The following TNRC6B variants were observed in gnomAD, a reference collection of about 807,000 sequenced individuals.
TNRC6B encodes the protein trinucleotide repeat-containing gene 6B protein.
TNRC6B carries 52 observed loss-of-function variants against 203.6 expected under a neutral mutation model. That is an observed-to-expected ratio of 0.26 (90% CI 0.20 to 0.32). The LOEUF (loss-of-function observed/expected upper bound fraction) is 0.32, where lower values mean the gene tolerates loss of function less well. Among genes scored for constraint, TNRC6B ranks in the 10% least tolerant of loss-of-function variants. TNRC6B has a pLI of 1.00. For synonymous variants in TNRC6B, 838 were observed against 845.7 expected (o/e 0.99, Z 0.16); for missense variants, 1,923 against 2,286.2 (o/e 0.84, Z 3.24).
At chr22:40,082,020 G>A (rs750315589) in intron 1 of TNRC6B, among the ~76,000 whole-genome samples, 30 of 151,912 alleles carry the variant, frequency 2.0e-4, no homozygotes, top group Admixed American at 1.2e-3. Context: ...GCCGCAGTGC[G>A]AGGCCCTGGG....
intron 1 of TNRC6B, among the ~76,000 whole-genome samples, chr22:40,211,389 T>TC (rs984412745): frequency 2.6e-5 from 4 of 151,556 alleles, no homozygotes; most frequent in African/African-American, 9.7e-5. Flanking sequence ...TGTTCTTTTT[T>TC]TTCTTTTATT....
chr22:40,219,310 G>A lies in TNRC6B; in HGVS notation c.6-26705G>A, dbSNP rs893327403. Among the ~76,000 whole-genome samples, 106 of 152,188 alleles carry A rather than the reference G, an allele frequency of 7.0e-4. 2 individuals carry two copies. Among genetic ancestry groups the A allele is most frequent in the Non-Finnish European group, 1.9e-4 (13 of 68,038 alleles). On this transcript the variant is annotated intron_variant, in intron 1 of 22. Coordinates refer to ENST00000454349, the MANE Select transcript of TNRC6B (RefSeq NM_001162501.2). ...GCTTTCAGGACTACACTGTGGAAAAGGAGAGCTTGGAGTAGGAAGGTATAT... is the reference window on the plus strand; with the variant it reads ...GCTTTCAGGACTACACTGTGGAAAAAGAGAGCTTGGAGTAGGAAGGTATAT...
chr22:40,219,524 T>C (rs2069679718), intron 1 of TNRC6B, among the ~76,000 whole-genome samples: 1 of 152,172 alleles, frequency 6.6e-6, no homozygotes, highest in Admixed American at 6.5e-5. Flanking sequence ...CCGGTCTGTA[T>C]GGTTCAGGCA....
chr22:40,312,778 C>G, intron 18 of TNRC6B, 124 bp from the exon 19 acceptor site: 1 of 1,478,540 alleles, frequency 6.8e-7, no homozygotes, highest in Non-Finnish European at 9.3e-7. Flanking sequence ...TTGCTTTTCA[C>G]TTTTATTTGT....
intron 21 of TNRC6B, among the ~76,000 whole-genome samples, 194 bp from the exon 22 acceptor site, chr22:40,320,896 A>G (rs1451012137): frequency 6.6e-6 from 1 of 152,170 alleles, no homozygotes; most frequent in Non-Finnish European, 1.5e-5. Context: ...TTGACTCTAC[A>G]AGTTAACACT....
chr22:40,228,716 G>A (rs1260798312), intron 1 of TNRC6B, among the ~76,000 whole-genome samples: 1 of 151,518 alleles, frequency 6.6e-6, no homozygotes, highest in Non-Finnish European at 1.5e-5. Flanking sequence ...AGTAGGGACG[G>A]CGTTTCACCA....
rs958741289 is a variant in TNRC6B, at chr22:40,329,686, C to T, written c.*6445C>T. Reference sequence around the variant, plus strand: ...TCCAGCAGCTCAGCACCCACACTGCCCGCATGCGTGTGGCCACCGGGACCA... The same window carrying T: ...TCCAGCAGCTCAGCACCCACACTGCTCGCATGCGTGTGGCCACCGGGACCA... On this transcript the variant is annotated 3_prime_UTR_variant, in exon 23 of 23. Coordinates refer to ENST00000454349, the MANE Select transcript of TNRC6B (RefSeq NM_001162501.2). 9 of 152,124 alleles carry T rather than the reference C, an allele frequency of 5.9e-5. No homozygotes were observed. Among genetic ancestry groups the T allele is most frequent in the African/African-American group, 2.2e-4 (9 of 41,414 alleles). The allele number at this position is 152,124 out of a possible 1,614,324, so 9.4% of individuals were successfully genotyped here.
chr22:40,064,641 A>G (rs2067880454), intron 1 of TNRC6B, among the ~76,000 whole-genome samples: 1 of 146,750 alleles, frequency 6.8e-6, no homozygotes, highest in Non-Finnish European at 1.5e-5. Flanking sequence ...TTTTTGAGAC[A>G]GGGTCTCACT....
chr22:40,186,866 G>A (rs952599598), intron 1 of TNRC6B, among the ~76,000 whole-genome samples: 11 of 151,406 alleles, frequency 7.3e-5, no homozygotes, highest in African/African-American at 2.7e-4. Context: ...AACATTTTAC[G>A]TTTTTTTTGT....
At chr22:40,196,957 A>G (rs1334002492) in intron 1 of TNRC6B, among the ~76,000 whole-genome samples, 1 of 152,102 alleles carries the variant, frequency 6.6e-6, no homozygotes, top group Non-Finnish European at 1.5e-5. Flanking sequence ...AGAAAAAAGG[A>G]GTGCTGACAG....
At chr22:40,196,725 G>A (rs1295781956) in intron 1 of TNRC6B, among the ~76,000 whole-genome samples, 1 of 151,958 alleles carries the variant, frequency 6.6e-6, no homozygotes, top group Non-Finnish European at 1.5e-5. Flanking sequence ...TGTGGTTCAG[G>A]CTCGCAGTTA....
At chr22:40,132,969 A>AAAAAATATAT (rs1282694632) in intron 3 of TNRC6B, among the ~76,000 whole-genome samples, 2 of 78,186 alleles carry the variant, frequency 2.6e-5, no homozygotes, top group Non-Finnish European at 5.3e-5. Context: ...AAAAAAAAAA[A>AAAAAATATAT]ATATATATAT....
At chr22:40,046,465 G>C (rs2067688825) in intron 1 of TNRC6B, among the ~76,000 whole-genome samples, 1 of 152,158 alleles carries the variant, frequency 6.6e-6, no homozygotes, top group African/African-American at 2.4e-5. Flanking sequence ...TATTTTCTTA[G>C]TTCTTTACTA....
At chr22:40,125,287 T>A (rs2068480053) in intron 2 of TNRC6B, among the ~76,000 whole-genome samples, 1 of 152,184 alleles carries the variant, frequency 6.6e-6, no homozygotes, top group Non-Finnish European at 1.5e-5. Context: ...TGTACTTTAA[T>A]TTCAGTTATA....
chr22:40,295,389 G>T (rs1019163271), intron 12 of TNRC6B, among the ~76,000 whole-genome samples: 1 of 151,368 alleles, frequency 6.6e-6, no homozygotes, highest in Non-Finnish European at 1.5e-5. Context: ...CAGGAGAATC[G>T]CTTGAGCCCG....
intron 10 of TNRC6B, among the ~76,000 whole-genome samples, chr22:40,280,799 T>C (rs1314323936): frequency 1.3e-5 from 2 of 152,244 alleles, no homozygotes; most frequent in African/African-American, 4.8e-5. Flanking sequence ...TTGGCCTGGC[T>C]TCTGTTTCAG....
At position 40,059,012 on chromosome 22, in the gene TNRC6B, A is replaced by C. The variant is rs561759995; in HGVS notation, c.-121+14014A>C. 1.3e-3 allele frequency among the ~76,000 whole-genome samples: 205 copies of C among 152,288 alleles called. 3 individuals carry two copies. Among genetic ancestry groups the C allele is most frequent in the Non-Finnish European group, 1.6e-4 (11 of 68,028 alleles). On this transcript the variant is annotated intron_variant, in intron 1 of 23. Coordinates refer to the TNRC6B transcript ENST00000301923. ...AACCTGTCCTTACTGTGTGAAATCC[A>C]AACACCTTTGTTCCAGCCAAGTTCG...
At chr22:40,306,815 G>T (rs149200192) in intron 15 of TNRC6B, among the ~76,000 whole-genome samples, 77 of 152,192 alleles carry the variant, frequency 5.1e-4, no homozygotes, top group African/African-American at 1.8e-3. Flanking sequence ...GTGAAACCCC[G>T]TCTCTACTAA....
Position 40,313,432 on chromosome 22 carries a change from G to GA in TNRC6B, c.4678+447dup, listed in dbSNP as rs796669182. Among the ~76,000 whole-genome samples the GA allele has an allele frequency of 6.1e-3, 838 of 138,342 alleles. 8 individuals carry two copies. The highest frequency in any genetic ancestry group is 0.015 in the African/African-American group (580 of 37,840). 90.8% of individuals were successfully genotyped at this position (138,342 alleles called of 152,430 possible). A position where few individuals can be genotyped will look rare whatever the true frequency, so the allele number is the denominator to read the frequency against. The stretch of plus-strand genomic sequence containing the variant: ...AAAGGCTAAGGGCAGATGGCCAAAG[G>GA]AAAAAAAAAAAAGGACCTTGATTCA... On this transcript the variant is annotated intron_variant, in intron 19 of 22. Transcript: ENST00000454349.
Sources: gnomAD v4.1 joint callset for allele counts (sites outside exome capture counted in the v4.1 genomes callset) on GRCh38, gnomAD v4.1.1 for gene constraint, MANE v1.5 for transcripts, NCBI Gene and HGNC (gene_info 2026-07-23, HGNC 2026-07-21) for gene names.